Variants in ANKRD53 observed in about 807,000 individuals in gnomAD.
The protein encoded by ANKRD53 is ankyrin repeat domain-containing protein 53.
In ANKRD53, 27 loss-of-function variants were observed where a neutral mutation model predicts 30.1. The observed-to-expected ratio is 0.90, with a 90% confidence interval of 0.66 to 1.24. The LOEUF is 1.24. ANKRD53 is among the 50% of genes most tolerant of loss of function. The probability of loss-of-function intolerance (pLI) is 0.00; values close to 1 mark genes in which losing one functional copy is unlikely to be tolerated. For synonymous variants in ANKRD53, 286 were observed against 295.4 expected, an observed-to-expected ratio of 0.97 and a Z score of 0.33; for missense variants, 682 against 721.0, an observed-to-expected ratio of 0.95 and a Z score of 0.62.
intron 5 of ANKRD53, among the ~76,000 whole-genome samples, chr2:70,983,041 G>C (rs1308047669): frequency 6.6e-6 from 1 of 152,180 alleles, no homozygotes; most frequent in Non-Finnish European, 1.5e-5. Flanking sequence ...TGGTTAAAAA[G>C]ATCCACCCTT....
In ANKRD53 at chr2:70,985,171, G is replaced by A. The variant is rs1160149324; in HGVS notation, c.1464G>A (p.Leu488=). The change falls in exon 6 of 6, where the codon CTG becomes CTA. Residue 488 remains leucine, a synonymous_variant. Coordinates refer to ENST00000360589, the MANE Select transcript of ANKRD53 (RefSeq NM_001115116.2). ...SMREVPRKRH[L]GDNTFWTDTL... ...GGGAAGTGCCCAGGAAGCGGCACCT[G>A]GGTGACAACACCTTCTGGACCGACA... is the stretch of plus-strand genomic sequence containing the variant. 4 of 1,551,264 alleles carry A rather than the reference G, an allele frequency of 2.6e-6. No homozygotes were observed. The highest frequency in any genetic ancestry group is 1.2e-5 in the South Asian group (1 of 84,040).
In ANKRD53 at chr2:70,982,113, G is replaced by A. The variant is rs1670028405; in HGVS notation, c.782+13G>A. The A allele has an allele frequency of 3.8e-6, 6 of 1,591,350 alleles. No homozygotes were observed. The highest frequency in any genetic ancestry group is 4.3e-6 in the Non-Finnish European group (5 of 1,167,000). On this transcript the variant is annotated intron_variant, in intron 4 of 5. Transcript: ENST00000360589. The surrounding 1 kb of genome is among the most constrained non-coding windows in gnomAD (Gnocchi z 4.2). ...GTGCCTGTGCCCGGTGAGAGTGTGA[G>A]AACCACCTGGAGCCTGCCCACCCCC...
At chr2:70,981,807 A>T (rs1325782472) in intron 3 of ANKRD53, 129 bp from the exon 4 acceptor site, 1 of 1,006,410 alleles carries the variant, frequency 9.9e-7, no homozygotes, top group Non-Finnish European at 1.4e-6. Context: ...AGGGACAGAC[A>T]TAGCTAGGAT....
In ANKRD53 at chr2:70,984,916, G is replaced by A. The variant is rs782742291; in HGVS notation, c.1209G>A (p.Ser403=). 1.9e-6 allele frequency: 3 copies of A among 1,550,874 alleles called. No homozygotes were observed. The highest frequency in any genetic ancestry group is 2.4e-5 in the East Asian group (1 of 40,886). ...ARPPTTQISH[S]QGIRLGVHPD... ...CCCCCACCACCCAGATCAGCCACTC[G>A]CAGGGCATCCGCCTGGGCGTGCATC... The change falls in exon 6 of 6, where the codon TCG becomes TCA. Residue 403 remains serine, a synonymous_variant. Transcript: ENST00000360589.
At chr2:70,980,319 A>C (rs1287059442) in intron 3 of ANKRD53, among the ~76,000 whole-genome samples, 1 of 58,460 alleles carries the variant, frequency 1.7e-5, no homozygotes, top group Non-Finnish European at 3.1e-5. Flanking sequence ...CCGTCTCAAC[A>C]AAAAAAAAAA....
In ANKRD53 at chr2:70,978,695, A is replaced by C. The variant is rs1366358562; in HGVS notation, c.50A>C (p.His17Pro). ...CGGCGGGCGGGCTCCGGAAGCTGGC[A>C]CTCAGAAAGGGGAGAAGGGAGAGGT... is the stretch of plus-strand genomic sequence containing the variant. ...TARRAGSGSW[H>P]SERGEGRGAR... Residue 17 changes from histidine (H) to proline (P), a missense_variant, in exon 1 of 6, where the codon CAC (histidine) becomes CCC (proline). Transcript: ENST00000360589. The surrounding 1 kb of genome is among the most constrained non-coding windows in gnomAD (Gnocchi z 4.3). The C allele has an allele frequency of 6.5e-7, 1 of 1,545,224 alleles. No homozygotes were observed. Among genetic ancestry groups the C allele is most frequent in the African/African-American group, 1.4e-5 (1 of 72,230 alleles).
rs782088819 is a variant in ANKRD53 at position 70,982,133 on chromosome 2, A to AC, written c.782+38dup. 1 of 1,556,170 alleles carries AC rather than the reference A, an allele frequency of 6.4e-7. No homozygotes were observed. The highest frequency in any genetic ancestry group is 8.7e-7 in the Non-Finnish European group (1 of 1,147,950). ...TGTGAGAACCACCTGGAGCCTGCCCACCCCCTTCCCCTCCCCCAGCCTTTT... is the reference window on the plus strand; with the variant it reads ...TGTGAGAACCACCTGGAGCCTGCCCACCCCCCTTCCCCTCCCCCAGCCTTTT... On this transcript the variant is annotated intron_variant, in intron 4 of 5. Coordinates refer to ENST00000360589, the MANE Select transcript of ANKRD53 (RefSeq NM_001115116.2). This position sits in a 1 kb window ranked among gnomAD's most constrained non-coding sequence, Gnocchi z 4.2.
chr2:70,978,621 C>T (rs1443660752), upstream of ANKRD53: 3 of 1,512,586 alleles, frequency 2.0e-6, no homozygotes, highest in East Asian at 5.5e-5. The surrounding 1 kb of genome is among the most constrained non-coding windows in gnomAD (Gnocchi z 4.3). Flanking sequence ...GCCCGCCCGG[C>T]CCGGGTCCGA....
rs1553423882 is a variant in ANKRD53 at position 70,982,707 on chromosome 2, A to G, written c.903+10A>G. On this transcript the variant is annotated intron_variant, in intron 5 of 5. Coordinates refer to ENST00000360589, the MANE Select transcript of ANKRD53 (RefSeq NM_001115116.2). The surrounding 1 kb of genome is among the most constrained non-coding windows in gnomAD (Gnocchi z 4.2). ...CCTGATTGAGTATCAAGTAAGGGGG[A>G]CAGCAGGGGGGCCAGGGGACAGCTG... The G allele has an allele frequency of 6.2e-7, 1 of 1,613,102 alleles. No individual in the cohort carries two copies. The highest frequency in any genetic ancestry group is 8.5e-7 in the Non-Finnish European group (1 of 1,179,430).
At position 70,982,290 on chromosome 2, in the gene ANKRD53, G is replaced by T; in HGVS notation, c.782+190G>T. Reference sequence around the variant, plus strand: ...ATCACCTGGGCTTGGGGGTAAGTCTGCCCAGGTCCCCTGCTCTCTGGGTTG... The same window carrying T: ...ATCACCTGGGCTTGGGGGTAAGTCTTCCCAGGTCCCCTGCTCTCTGGGTTG... On this transcript the variant is annotated intron_variant, in intron 4 of 5. Transcript: ENST00000360589. This position sits in a 1 kb window ranked among gnomAD's most constrained non-coding sequence, Gnocchi z 4.2. 2.6e-6 allele frequency: 2 copies of T among 783,406 alleles called. No homozygotes were observed. The highest frequency in any genetic ancestry group is 1.8e-5 in the African/African-American group (1 of 57,110). The allele number at this position is 783,406 out of a possible 1,614,324, so 48.5% of individuals were successfully genotyped here. A position where few individuals can be genotyped will look rare whatever the true frequency, so the allele number is the denominator to read the frequency against.
Position 70,978,977 on chromosome 2 carries a change from C to T in ANKRD53, c.171-120C>T. The T allele has an allele frequency of 6.9e-7, 1 of 1,448,258 alleles. No individual in the cohort carries two copies. The highest frequency in any genetic ancestry group is 9.1e-7 in the Non-Finnish European group (1 of 1,102,042). The allele number at this position is 1,448,258 out of a possible 1,614,324, so 89.7% of individuals were successfully genotyped here. On this transcript the variant is annotated intron_variant, in intron 1 of 5. Transcript: ENST00000360589. The surrounding 1 kb of genome is among the most constrained non-coding windows in gnomAD (Gnocchi z 4.3). ...ATCGCCTCCCGAGAGGTGCCTAGGC[C>T]GTGGCCCAGAGTCGCTTCCCCACTG... is the stretch of plus-strand genomic sequence containing the variant.
chr2:70,978,672 G>C lies in ANKRD53; in HGVS notation c.27G>C (p.Arg9=). 6.5e-7 allele frequency: 1 copy of C among 1,543,482 alleles called. No homozygotes were observed. Among genetic ancestry groups the C allele is most frequent in the Non-Finnish European group, 8.7e-7 (1 of 1,144,942 alleles). The change falls in exon 1 of 6, where the codon CGG becomes CGC. Residue 9 remains arginine (R), a synonymous_variant. Transcript: ENST00000360589. The surrounding 1 kb of genome is among the most constrained non-coding windows in gnomAD (Gnocchi z 4.3). ...TGGCCTCCGCGGGCAGCACCGCTCGGCGGGCGGGCTCCGGAAGCTGGCACT... is the reference window on the plus strand; with the variant it reads ...TGGCCTCCGCGGGCAGCACCGCTCGCCGGGCGGGCTCCGGAAGCTGGCACT... MASAGSTA[R]RAGSGSWHSE... is the part of the protein sequence containing the mutation.
chr2:70,980,503 C>T (rs542182120), intron 3 of ANKRD53, among the ~76,000 whole-genome samples: 96 of 148,114 alleles, frequency 6.5e-4, no homozygotes, highest in African/African-American at 2.3e-3. Flanking sequence ...AACACCTGGC[C>T]GGGTGGCATG....
rs781979832 is a variant in ANKRD53, at chr2:70,984,673, A to G, written c.966A>G (p.Pro322=). The change falls in exon 6 of 6, where the codon CCA becomes CCG. Residue 322 remains proline, a synonymous_variant. Coordinates refer to ENST00000360589, the MANE Select transcript of ANKRD53 (RefSeq NM_001115116.2). ...IRKWLHGKLH[P]GHSLVSNTKQ... is the part of the protein sequence containing the mutation. ...AGTGGCTCCACGGCAAGCTGCACCC[A>G]GGCCACTCTCTGGTCTCCAATACCA... is the stretch of plus-strand genomic sequence containing the variant. The G allele has an allele frequency of 1.2e-6, 2 of 1,614,074 alleles. No homozygotes were observed. The highest frequency in any genetic ancestry group is 2.2e-5 in the South Asian group (2 of 91,092).
rs1553424282 is a variant in ANKRD53 at position 70,984,534 on chromosome 2, A to T, written c.904-77A>T. On this transcript the variant is annotated intron_variant, in intron 5 of 5. Coordinates refer to ENST00000360589, the MANE Select transcript of ANKRD53 (RefSeq NM_001115116.2). ...CTTCAGACTGTGGTTTCCGAAAGCT[A>T]CAGCCACAGGACCTCCTTGCCCAGA... The T allele has an allele frequency of 3.9e-6, 6 of 1,556,816 alleles. No individual in the cohort carries two copies. In the African/African-American group the frequency reaches 5.5e-5, roughly 14 times the overall value.
At position 70,985,449 on chromosome 2, in the gene ANKRD53, A is replaced by G. The variant is rs547358428; in HGVS notation, c.*149A>G. 236 of 698,568 alleles carry G rather than the reference A, an allele frequency of 3.4e-4. No individual in the cohort carries two copies. The highest frequency in any genetic ancestry group is 4.3e-4 in the Non-Finnish European group (184 of 428,894). 43.3% of individuals were successfully genotyped at this position (698,568 alleles called of 1,614,324 possible). A position where few individuals can be genotyped will look rare whatever the true frequency, so the allele number is the denominator to read the frequency against. ...AGTCACCCTTCCCAATCAAAAGCCC[A>G]GACCCCAGGCCTCCCTTTTCTCTGC... is the stretch of plus-strand genomic sequence containing the variant. On this transcript the variant is annotated 3_prime_UTR_variant, in exon 6 of 6. Transcript: ENST00000360589.
Position 70,985,325 on chromosome 2 carries a change from T to A in ANKRD53, c.*25T>A. 1 of 1,410,928 alleles carries A rather than the reference T, an allele frequency of 7.1e-7. No individual in the cohort carries two copies. The highest frequency in any genetic ancestry group is 9.4e-7 in the Non-Finnish European group (1 of 1,060,540). The allele number at this position is 1,410,928 out of a possible 1,614,324, so 87.4% of individuals were successfully genotyped here. ...AAGTTATTATGGCTACCTCTCCCCCTGAGGCAGCCCAGTGAAGGCTGAAGT... is the reference window on the plus strand; with the variant it reads ...AAGTTATTATGGCTACCTCTCCCCCAGAGGCAGCCCAGTGAAGGCTGAAGT... On this transcript the variant is annotated 3_prime_UTR_variant, in exon 6 of 6. Coordinates refer to ENST00000360589, the MANE Select transcript of ANKRD53 (RefSeq NM_001115116.2).
rs782340168 is a variant in ANKRD53 at position 70,982,610 on chromosome 2, G to C, written c.816G>C (p.Lys272Asn). ...FLKDAMWKKD[K>N]KDFAREMTKM... Reference sequence around the variant, plus strand: ...AGGATGCCATGTGGAAAAAGGACAAGAAGGACTTTGCCCGTGAGATGACGA... The same window carrying C: ...AGGATGCCATGTGGAAAAAGGACAACAAGGACTTTGCCCGTGAGATGACGA... The change falls in exon 5 of 6, where the codon AAG becomes AAC. Residue 272 changes from lysine to asparagine, a missense_variant. By Grantham distance (94) the Lys-to-Asn change is moderately conservative. Transcript: ENST00000360589. This position sits in a 1 kb window ranked among gnomAD's most constrained non-coding sequence, Gnocchi z 4.2. 10 of 1,614,050 alleles carry C rather than the reference G, an allele frequency of 6.2e-6. No individual in the cohort carries two copies. Among genetic ancestry groups the C allele is most frequent in the South Asian group, 1.1e-5 (1 of 91,094 alleles).
chr2:70,979,530 A>G, intron 2 of ANKRD53, 131 bp from the exon 3 acceptor site: 1 of 1,387,020 alleles, frequency 7.2e-7, no homozygotes, highest in African/African-American at 1.4e-5. Flanking sequence ...CTGGTTAATT[A>G]GCAAAAGGGT....
Sources: allele counts gnomAD v4.1 joint callset (sites outside exome capture counted in the v4.1 genomes callset), GRCh38; gene constraint gnomAD v4.1.1; non-coding constraint Gnocchi (gnomAD v3.1); transcripts MANE v1.5; gene names NCBI Gene and HGNC (gene_info 2026-07-23, HGNC 2026-07-21).